The following ZFP2 variants were observed in gnomAD, a reference collection of about 807,000 sequenced individuals.
The protein encoded by ZFP2 is zinc finger protein ZFP2.
Under a neutral mutation model 36.1 loss-of-function variants are expected in ZFP2, and 33 were observed. The observed-to-expected ratio is 0.92, with a 90% confidence interval of 0.69 to 1.22. The LOEUF (loss-of-function observed/expected upper bound fraction) is 1.22, where lower values mean the gene tolerates loss of function less well. ZFP2 is among the 50% of genes most tolerant of loss of function. ZFP2 has a pLI of 0.00. For synonymous variants in ZFP2, 170 were observed against 178.0 expected (o/e 0.96, Z 0.36); for missense variants, 522 against 551.4 (o/e 0.95, Z 0.53).
intron 1 of ZFP2, among the ~76,000 whole-genome samples, chr5:178,902,705 C>T (rs1758084879): frequency 6.6e-6 from 1 of 152,196 alleles, no homozygotes; most frequent in Non-Finnish European, 1.5e-5. Flanking sequence ...CTACTCTTGT[C>T]TCCAAGCTCC....
intron 1 of ZFP2, among the ~76,000 whole-genome samples, chr5:178,906,333 A>T (rs1339849890): frequency 1.3e-5 from 2 of 152,118 alleles, no homozygotes; most frequent in African/African-American, 4.8e-5. Flanking sequence ...TTCTGATTTG[A>T]TACCTTCTTT....
intron 1 of ZFP2, 97 bp downstream of exon 1, chr5:178,896,071 C>T (rs1165513352): frequency 1.3e-5 from 2 of 152,336 alleles, no homozygotes; most frequent in Non-Finnish European, 2.9e-5. Context: ...CCCCAGCTTC[C>T]TGAGGGTTGA....
chr5:178,910,007 G>A, intron 1 of ZFP2: 2 of 1,425,662 alleles, frequency 1.4e-6, no homozygotes, highest in Non-Finnish European at 2.0e-6. Flanking sequence ...ATAGGGTGAT[G>A]GCTATTTGCC....
intron 1 of ZFP2, among the ~76,000 whole-genome samples, chr5:178,904,718 T>TG (rs1758132378): frequency 1.4e-5 from 2 of 140,572 alleles, no homozygotes; most frequent in Non-Finnish European, 3.1e-5. Flanking sequence ...TTTTTTTTTT[T>TG]GAGAGACAGA....
rs369777933 is a variant in ZFP2, at chr5:178,931,391, T to G, written c.78T>G (p.Asp26Glu). The G allele has an allele frequency of 6.2e-7, 1 of 1,614,012 alleles. No homozygotes were observed. Among genetic ancestry groups the G allele is most frequent in the Non-Finnish European group, 8.5e-7 (1 of 1,180,022 alleles). Residue 26 changes from aspartate to glutamate, a missense_variant, in exon 5 of 5, where the codon GAT becomes GAG. Physicochemically the swap from Asp to Glu is conservative, Grantham distance 45. Transcript: ENST00000361362. ...ATAATTGGTTAGAGGGACAACAGGATAGTCATCTGAGCCAAGTGGGAGTTA... is the reference window on the plus strand; with the variant it reads ...ATAATTGGTTAGAGGGACAACAGGAGAGTCATCTGAGCCAAGTGGGAGTTA... ...EPNNWLEGQQ[D>E]SHLSQVGVTH...
chr5:178,917,614 C>CAA (rs574860630), intron 4 of ZFP2, among the ~76,000 whole-genome samples: 1 of 140,242 alleles, frequency 7.1e-6, no homozygotes, highest in African/African-American at 2.6e-5. Context: ...GACTCCATCT[C>CAA]AAAAAAAAAA....
intron 1 of ZFP2, among the ~76,000 whole-genome samples, chr5:178,907,405 G>A (rs1167387206): frequency 1.3e-5 from 2 of 151,300 alleles, no homozygotes; most frequent in African/African-American, 4.9e-5. Flanking sequence ...AAGGAGAGGA[G>A]GGTCCTGTAA....
chr5:178,922,791 C>T lies in ZFP2; in HGVS notation c.-78+6081C>T, dbSNP rs776510846. 17 of 1,432,284 alleles carry T rather than the reference C, an allele frequency of 1.2e-5. 1 individual carries two copies. Among genetic ancestry groups the T allele is most frequent in the Non-Finnish European group, 1.6e-5 (17 of 1,057,118 alleles). The allele number at this position is 1,432,284 out of a possible 1,614,324, so 88.7% of individuals were successfully genotyped here. ...TGTGCAGAAATGTGTGTGGTCAAAG[C>T]CAAGCAGTTCCATTTACAGCACTGT... On this transcript the variant is annotated intron_variant, in intron 4 of 4. Coordinates refer to ENST00000361362, the MANE Select transcript of ZFP2 (RefSeq NM_030613.4).
rs746271222 is a variant in ZFP2 at position 178,931,455 on chromosome 5, G to A, written c.142G>A (p.Gly48Ser). 1.9e-6 allele frequency: 3 copies of A among 1,614,098 alleles called. No individual in the cohort carries two copies. Among genetic ancestry groups the A allele is most frequent in the Non-Finnish European group, 2.5e-6 (3 of 1,180,024 alleles). Reference sequence around the variant, plus strand: ...CTTCACTGAGATGAGAGTATGTGGAGGTAATGAATTTGAAAGATGTTCCAG... The same window carrying A: ...CTTCACTGAGATGAGAGTATGTGGAAGTAATGAATTTGAAAGATGTTCCAG... ...ETFTEMRVCG[G>S]NEFERCSSQD... The change falls in exon 5 of 5, where the codon GGT becomes AGT. Residue 48 changes from glycine to serine, a missense_variant. Physicochemically the swap from Gly to Ser is moderately conservative, Grantham distance 56. Transcript: ENST00000361362.
intron 1 of ZFP2, among the ~76,000 whole-genome samples, chr5:178,901,610 T>C (rs887144983): frequency 6.6e-6 from 1 of 152,212 alleles, no homozygotes; most frequent in Non-Finnish European, 1.5e-5. Flanking sequence ...TAGCCGTTTT[T>C]CTTATAAGGA....
intron 1 of ZFP2, among the ~76,000 whole-genome samples, chr5:178,911,090 T>C (rs930823248): frequency 6.6e-5 from 10 of 152,324 alleles, no homozygotes; most frequent in Middle Eastern, 3.4e-3. Flanking sequence ...AAAATGGAAA[T>C]TCTGCACTTT....
At position 178,931,965 on chromosome 5, in the gene ZFP2, G is replaced by C. The variant is rs1477407864; in HGVS notation, c.652G>C (p.Glu218Gln). ...TGGAGAGAAACCCTACAAATGTAAT[G>C]AATGTGGTAAAGCTTTTACCCAAAG... ...HTGEKPYKCNECGKAFTQSMN... is the reference protein window; with the variant it reads ...HTGEKPYKCNQCGKAFTQSMN... Residue 218 changes from glutamate (E) to glutamine (Q), a missense_variant, in exon 5 of 5, where the codon GAA (glutamate) becomes CAA (glutamine). Glu to Gln is a conservative substitution (Grantham distance 29, BLOSUM62 2). Coordinates refer to ENST00000361362, the MANE Select transcript of ZFP2 (RefSeq NM_030613.4). 3 of 1,613,848 alleles carry C rather than the reference G, an allele frequency of 1.9e-6. No homozygotes were observed. In the East Asian group the frequency reaches 6.7e-5, roughly 36 times the overall value.
At position 178,921,996 on chromosome 5, in the gene ZFP2, T is replaced by C. The variant is rs1426603128; in HGVS notation, c.-78+5286T>C. On this transcript the variant is annotated intron_variant, in intron 4 of 4. Coordinates refer to ENST00000361362, the MANE Select transcript of ZFP2 (RefSeq NM_030613.4). ...GGTCACAGATTATGGGCCATTCTTA[T>C]TTACTGTAAAAACATTTAAAGCTCC... 4.8e-6 allele frequency: 3 copies of C among 631,466 alleles called. No homozygotes were observed. The African/African-American group carries it at 5.4e-5, about 11-fold the overall frequency. The allele number at this position is 631,466 out of a possible 1,614,324, so 39.1% of individuals were successfully genotyped here.
chr5:178,904,636 A>G (rs1389032639), intron 1 of ZFP2, among the ~76,000 whole-genome samples: 2 of 144,428 alleles, frequency 1.4e-5, no homozygotes, highest in African/African-American at 5.1e-5. Context: ...ATTCTATTCC[A>G]TTGTTCTATT....
At chr5:178,913,179 C>T (rs1297727365) in intron 3 of ZFP2, 108 bp downstream of exon 3, 4 of 471,476 alleles carry the variant, frequency 8.5e-6, no homozygotes, top group Non-Finnish European at 1.1e-5. Flanking sequence ...TGTGTGTTCT[C>T]AGATGACACC....
chr5:178,896,643 C>G (rs148076002), intron 1 of ZFP2, among the ~76,000 whole-genome samples: 3 of 152,312 alleles, frequency 2.0e-5, no homozygotes, highest in African/African-American at 7.2e-5. Flanking sequence ...CACTGTAGCA[C>G]AACTGGAAAA....
rs985170748 is a variant in ZFP2 at position 178,915,318 on chromosome 5, CTTTCTTTTTTTTT to C, written c.-223-1243_-223-1231del. On this transcript the variant is annotated intron_variant, in intron 3 of 4. Coordinates refer to ENST00000361362, the MANE Select transcript of ZFP2 (RefSeq NM_030613.4). ...ACTGGGTTAGAACCTAAAGGTTTTT[CTTTCTTTTTTTTT>C]TTTTTTTTTTTTTTGAGATGGAGTC... 2.0e-4 allele frequency among the ~76,000 whole-genome samples: 22 copies of C among 112,566 alleles called. No homozygotes were observed. In the East Asian group the frequency reaches 4.5e-3, roughly 23 times the overall value. 73.8% of individuals were successfully genotyped at this position (112,566 alleles called of 152,430 possible). A position where few individuals can be genotyped will look rare whatever the true frequency, so the allele number is the denominator to read the frequency against.
At chr5:178,912,138 A>G (rs540950838) in intron 1 of ZFP2, among the ~76,000 whole-genome samples, 82 of 152,322 alleles carry the variant, frequency 5.4e-4, no homozygotes, top group African/African-American at 1.9e-3. Context: ...GTCTCAAAAA[A>G]ATAGGAAAGA....
rs35616825 is a variant in ZFP2 at position 178,901,797 on chromosome 5, G to GTTT, written c.-450+5831_-450+5833dup. Among the ~76,000 whole-genome samples, 288 of 149,140 alleles carry GTTT rather than the reference G, an allele frequency of 1.9e-3. 1 individual carries two copies. Among genetic ancestry groups the GTTT allele is most frequent in the African/African-American group, 3.3e-3 (135 of 40,574 alleles). ...AATGCATCTTGTGGTTTTTTGGTTTGTTTTTTTTTTAACTTTTATTATGAA... is the reference window on the plus strand; with the variant it reads ...AATGCATCTTGTGGTTTTTTGGTTTGTTTTTTTTTTTTTAACTTTTATTATGAA... On this transcript the variant is annotated intron_variant, in intron 1 of 4. Coordinates refer to ENST00000361362, the MANE Select transcript of ZFP2 (RefSeq NM_030613.4).
Sources: allele counts gnomAD v4.1 joint callset (sites outside exome capture counted in the v4.1 genomes callset), GRCh38; gene constraint gnomAD v4.1.1; transcripts MANE v1.5; gene names NCBI Gene and HGNC (gene_info 2026-07-23, HGNC 2026-07-21).